The following NELL1 variants were observed in gnomAD, a reference collection of about 807,000 sequenced individuals.
NELL1 encodes neural EGFL like 1, also known as protein kinase C-binding protein NELL1.
In NELL1, 76 loss-of-function variants were observed where a neutral mutation model predicts 107.4. That is an observed-to-expected ratio of 0.71 (90% CI 0.59 to 0.86). The LOEUF (loss-of-function observed/expected upper bound fraction) is 0.86. Among genes scored for constraint, NELL1 ranks in the 40% least tolerant of loss-of-function variants. NELL1 has a pLI of 0.00. For synonymous variants in NELL1, 353 were observed against 341.2 expected (o/e 1.03, Z -0.38); for missense variants, 1,024 against 1,005.5 (o/e 1.02, Z -0.25).
At chr11:21,016,485 C>T (rs1307986508) in intron 12 of NELL1, among the ~76,000 whole-genome samples, 1 of 152,126 alleles carries the variant, frequency 6.6e-6, no homozygotes, top group Non-Finnish European at 1.5e-5. Flanking sequence ...TTCTTACCCA[C>T]ACGTACCCTT....
In NELL1 at chr11:20,783,740, G is replaced by T. The variant is rs8176785; in HGVS notation, c.245G>T (p.Arg82Leu). 1.2e-6 allele frequency: 2 copies of T among 1,613,720 alleles called. No homozygotes were observed. Among genetic ancestry groups the T allele is most frequent in the Non-Finnish European group, 1.7e-6 (2 of 1,179,872 alleles). The change falls in exon 3 of 20, where the codon CGG becomes CTG. Residue 82 changes from arginine (R) to leucine (L), a missense_variant. Arg to Leu is a moderately radical substitution (Grantham distance 102, BLOSUM62 -2). Coordinates refer to ENST00000357134, the MANE Select transcript of NELL1 (RefSeq NM_006157.5). ...AGTGAGAAATTAATTCAGCTGTTCC[G>T]GAACAAGAGTGAATTCACCATTTTG... is the stretch of plus-strand genomic sequence containing the variant. Reference protein sequence around the residue: ...HVSEKLIQLFRNKSEFTILAT... With the variant: ...HVSEKLIQLFLNKSEFTILAT...
chr11:20,818,654 A>G (rs1279018843), intron 3 of NELL1, among the ~76,000 whole-genome samples: 2 of 151,962 alleles, frequency 1.3e-5, no homozygotes, highest in African/African-American at 4.8e-5. Flanking sequence ...GCTGAGTTGG[A>G]TATGTTGAGA....
At chr11:21,046,624 A>G (rs576135088) in intron 12 of NELL1, among the ~76,000 whole-genome samples, 18 of 152,240 alleles carry the variant, frequency 1.2e-4, no homozygotes, top group Non-Finnish European at 2.2e-4. Context: ...ATTCACAACT[A>G]TAATTATTCT....
chr11:20,889,746 C>T lies in NELL1; in HGVS notation c.603+4206C>T, dbSNP rs376106664. On this transcript the variant is annotated intron_variant, in intron 5 of 19. Coordinates refer to ENST00000357134, the MANE Select transcript of NELL1 (RefSeq NM_006157.5). ...GGAGAGAAGGAGGAACAGTGCGGTGCGACGGCCCATCTGAGAGCCACACGG... is the reference window on the plus strand; with the variant it reads ...GGAGAGAAGGAGGAACAGTGCGGTGTGACGGCCCATCTGAGAGCCACACGG... Among the ~76,000 whole-genome samples, 101 of 152,216 alleles carry T rather than the reference C, an allele frequency of 6.6e-4. 1 individual carries two copies. In the East Asian group the frequency reaches 0.017, roughly 26 times the overall value.
chr11:21,217,500 T>A (rs1857644711), intron 13 of NELL1, among the ~76,000 whole-genome samples: 2 of 152,168 alleles, frequency 1.3e-5, no homozygotes, highest in African/African-American at 4.8e-5. Flanking sequence ...TGGCCAACAT[T>A]GTAGCAATTC....
intron 12 of NELL1, among the ~76,000 whole-genome samples, chr11:21,011,769 T>C (rs1231698662): frequency 1.3e-5 from 2 of 152,184 alleles, no homozygotes; most frequent in Non-Finnish European, 2.9e-5. Context: ...TAATTGATTG[T>C]TGTCTACCTT....
chr11:20,803,697 C>G (rs2163149), intron 3 of NELL1, among the ~76,000 whole-genome samples: 1 of 151,788 alleles, frequency 6.6e-6, no homozygotes, highest in African/African-American at 2.4e-5. Context: ...TGGTTAATAC[C>G]GAGTGTCAAC....
intron 15 of NELL1, among the ~76,000 whole-genome samples, chr11:21,419,495 C>T (rs866616340): frequency 6.6e-6 from 1 of 152,082 alleles, no homozygotes. Context: ...GTCATAAATT[C>T]AGCTTTTCTC....
At chr11:21,486,986 T>G (rs1854650144) in intron 15 of NELL1, among the ~76,000 whole-genome samples, 1 of 152,130 alleles carries the variant, frequency 6.6e-6, no homozygotes, top group Non-Finnish European at 1.5e-5. Flanking sequence ...ATAAACCAAC[T>G]GATTATTGAA....
At chr11:21,383,784 C>T (rs1021729787) in intron 15 of NELL1, 2 of 151,012 alleles carry the variant, frequency 1.3e-5, no homozygotes, top group African/African-American at 4.9e-5. Context: ...TCCTGATTTT[C>T]CCCCCTCAAA....
intron 13 of NELL1, among the ~76,000 whole-genome samples, chr11:21,151,318 A>C (rs1311495362): frequency 6.6e-6 from 1 of 152,144 alleles, no homozygotes; most frequent in African/African-American, 2.4e-5. Flanking sequence ...ATCCTTTACC[A>C]AATTACAAAG....
At chr11:21,380,229 C>T (rs908592948) in intron 15 of NELL1, among the ~76,000 whole-genome samples, 2 of 151,998 alleles carry the variant, frequency 1.3e-5, no homozygotes, top group African/African-American at 4.8e-5. Flanking sequence ...AGCAGGGCTT[C>T]TATGGCATCA....
At chr11:20,729,148 C>T (rs1051746275) in intron 2 of NELL1, among the ~76,000 whole-genome samples, 3 of 151,388 alleles carry the variant, frequency 2.0e-5, no homozygotes, top group African/African-American at 4.9e-5. Flanking sequence ...TTTTTTTTAA[C>T]ATTGATTTTG....
At chr11:21,092,495 G>T (rs535613705) in intron 12 of NELL1, among the ~76,000 whole-genome samples, 1 of 152,154 alleles carries the variant, frequency 6.6e-6, no homozygotes, top group South Asian at 2.1e-4. Flanking sequence ...TGTCTGGCAC[G>T]TGGGAAATGT....
At chr11:21,093,249 C>T (rs1854562178) in intron 12 of NELL1, among the ~76,000 whole-genome samples, 3 of 152,176 alleles carry the variant, frequency 2.0e-5, no homozygotes, top group African/African-American at 7.2e-5. Flanking sequence ...GGGCCCCAGA[C>T]TGAGATGCAA....
intron 2 of NELL1, among the ~76,000 whole-genome samples, chr11:20,729,351 G>A (rs1249510885): frequency 6.6e-6 from 1 of 152,130 alleles, no homozygotes; most frequent in African/African-American, 2.4e-5. Context: ...ATGTTGAACA[G>A]GAGTGGTGAG....
chr11:21,180,677 T>G (rs1057384693), intron 13 of NELL1, among the ~76,000 whole-genome samples: 1 of 151,730 alleles, frequency 6.6e-6, no homozygotes, highest in Non-Finnish European at 1.5e-5. Flanking sequence ...CATTTTATCA[T>G]AGAAGTTCCT....
chr11:20,748,054 A>T (rs1856042970), intron 2 of NELL1, among the ~76,000 whole-genome samples: 1 of 152,152 alleles, frequency 6.6e-6, no homozygotes. Flanking sequence ...TTCTACTAAG[A>T]GTTAGCCCTC....
At chr11:20,675,799 A>T (rs930271835) in intron 1 of NELL1, among the ~76,000 whole-genome samples, 1 of 151,232 alleles carries the variant, frequency 6.6e-6, no homozygotes, top group African/African-American at 2.4e-5. Context: ...TTTGATACAG[A>T]GTTTCACTCT....
Sources: allele counts gnomAD v4.1 joint callset (sites outside exome capture counted in the v4.1 genomes callset), GRCh38; gene constraint gnomAD v4.1.1; transcripts MANE v1.5; gene names NCBI Gene and HGNC (gene_info 2026-07-23, HGNC 2026-07-21).